Variants in GALNT10 observed in about 807,000 individuals in gnomAD.
GALNT10 encodes the protein polypeptide N-acetylgalactosaminyltransferase 10, also known as GalNAc transferase 10.
A neutral mutation model predicts 75.0 loss-of-function variants in GALNT10; 41 were observed. The ratio of observed to expected loss-of-function variants is 0.55; its 90% CI spans 0.43 to 0.71. The LOEUF is 0.71. Ranked by LOEUF, GALNT10 falls within the 30% of genes least tolerant of loss-of-function variation. The pLI is 0.00. For synonymous variants in GALNT10, 302 were observed against 313.0 expected (o/e 0.96, Z 0.37); for missense variants, 727 against 818.5 (o/e 0.89, Z 1.36).
chr5:154,272,867 G>T (rs1389710137), intron 1 of GALNT10, among the ~76,000 whole-genome samples: 1 of 152,120 alleles, frequency 6.6e-6, no homozygotes, highest in Non-Finnish European at 1.5e-5. Context: ...TACAGACAGG[G>T]TCTCACTCTG....
intron 1 of GALNT10, among the ~76,000 whole-genome samples, chr5:154,219,087 C>T (rs535213168): frequency 5.9e-5 from 9 of 152,320 alleles, no homozygotes; most frequent in African/African-American, 1.9e-4. Flanking sequence ...CCTGCTGCTC[C>T]GGCCTCTGAC....
At chr5:154,369,939 A>T (rs546611564) in intron 4 of GALNT10, among the ~76,000 whole-genome samples, 11 of 152,348 alleles carry the variant, frequency 7.2e-5, no homozygotes, top group African/African-American at 2.4e-4. Context: ...AGCATGGGAC[A>T]GTAGAGCTCT....
intron 1 of GALNT10, among the ~76,000 whole-genome samples, chr5:154,282,013 G>T (rs967525512): frequency 1.3e-5 from 2 of 152,220 alleles, no homozygotes; most frequent in Admixed American, 1.3e-4. Context: ...ACAGATGCCA[G>T]AAACTAGATA....
chr5:154,300,201 T>C (rs1447684381), intron 3 of GALNT10, among the ~76,000 whole-genome samples: 1 of 152,202 alleles, frequency 6.6e-6, no homozygotes, highest in Non-Finnish European at 1.5e-5. Context: ...TGTTACTGGA[T>C]TTGGAACTGT....
intron 1 of GALNT10, among the ~76,000 whole-genome samples, chr5:154,263,593 C>T (rs557795096): frequency 2.0e-5 from 3 of 152,270 alleles, no homozygotes; most frequent in South Asian, 4.1e-4. Flanking sequence ...ATTTATTTCT[C>T]ACATTCCTGG....
intron 1 of GALNT10, among the ~76,000 whole-genome samples, chr5:154,195,972 G>T (rs985108497): frequency 1.3e-5 from 2 of 152,056 alleles, no homozygotes; most frequent in Admixed American, 1.3e-4. Flanking sequence ...GCCCAGGCTG[G>T]AGTGCAATGG....
chr5:154,226,137 A>G (rs1753061283), intron 1 of GALNT10, among the ~76,000 whole-genome samples: 1 of 151,740 alleles, frequency 6.6e-6, no homozygotes, highest in African/African-American at 2.4e-5. Context: ...GTATAATAAA[A>G]AAAGGAAAAA....
intron 4 of GALNT10, among the ~76,000 whole-genome samples, chr5:154,332,240 C>T (rs895825681): frequency 1.3e-4 from 20 of 152,224 alleles, no homozygotes; most frequent in Non-Finnish European, 2.8e-4. Context: ...GGGACAAACA[C>T]CTGAGCCTTC....
chr5:154,369,544 C>T (rs1458743657), intron 4 of GALNT10, among the ~76,000 whole-genome samples: 2 of 152,158 alleles, frequency 1.3e-5, no homozygotes, highest in Non-Finnish European at 2.9e-5. Flanking sequence ...TTGGAAACAC[C>T]GGAGTATCAA....
intron 10 of GALNT10, among the ~76,000 whole-genome samples, chr5:154,413,654 T>C (rs1166084616): frequency 1.3e-5 from 2 of 152,204 alleles, no homozygotes; most frequent in East Asian, 3.8e-4. Context: ...AGTGGGCTCA[T>C]GCCTGCAATC....
Position 154,264,681 on chromosome 5 carries a change from G to A in GALNT10, c.160-30135G>A, listed in dbSNP as rs142177209. On this transcript the variant is annotated intron_variant, in intron 1 of 11. Transcript: ENST00000297107. Reference sequence around the variant, plus strand: ...CATAGTATTTTTACAAGACAATGAGGTGGAATTTTTAGAATACCAAGAGAC... The same window carrying A: ...CATAGTATTTTTACAAGACAATGAGATGGAATTTTTAGAATACCAAGAGAC... Among the ~76,000 whole-genome samples, 436 of 152,296 alleles carry A rather than the reference G, an allele frequency of 2.9e-3. 1 individual carries two copies. Among genetic ancestry groups the A allele is most frequent in the African/African-American group, 9.7e-3 (405 of 41,556 alleles).
At chr5:154,255,398 T>C (rs1753591538) in intron 1 of GALNT10, among the ~76,000 whole-genome samples, 1 of 152,090 alleles carries the variant, frequency 6.6e-6, no homozygotes, top group African/African-American at 2.4e-5. Flanking sequence ...AGTGTCGTGA[T>C]TGATAAACTA....
In GALNT10 at chr5:154,420,555, C is replaced by A. The variant is rs1395157767; in HGVS notation, c.*3583C>A. On this transcript the variant is annotated 3_prime_UTR_variant, in exon 12 of 12. Transcript: ENST00000297107. ...AAGCTTTGTAAGTGTGAGAGAGGGA[C>A]AAGAAGTGCAGTTCTGTTCTGGAAT... 1 of 152,212 alleles carries A rather than the reference C, an allele frequency of 6.6e-6. No homozygotes were observed. The highest frequency in any genetic ancestry group is 1.5e-5 in the Non-Finnish European group (1 of 68,042). The allele number at this position is 152,212 out of a possible 1,614,324, so 9.4% of individuals were successfully genotyped here. A position where few individuals can be genotyped will look rare whatever the true frequency, so the allele number is the denominator to read the frequency against.
chr5:154,330,304 C>T (rs1204557964), intron 4 of GALNT10, among the ~76,000 whole-genome samples: 1 of 152,340 alleles, frequency 6.6e-6, no homozygotes, highest in South Asian at 2.1e-4. Context: ...TCTGGGCACC[C>T]CTATCTGCAA....
rs180852905 is a variant in GALNT10 at position 154,416,154 on chromosome 5, G to A, written c.1653+222G>A. On this transcript the variant is annotated intron_variant, in intron 11 of 11. Coordinates refer to ENST00000297107, the MANE Select transcript of GALNT10 (RefSeq NM_198321.4). The surrounding 1 kb of genome is among the most constrained non-coding windows in gnomAD (Gnocchi z 4.5). ...CAACTGATTCCATTTAAAAAGAAAA[G>A]TGCAGCCGGGCACAGTGGCTCATGC... Among the ~76,000 whole-genome samples the A allele has an allele frequency of 7.9e-4, 120 of 152,254 alleles. No individual in the cohort carries two copies. Among genetic ancestry groups the A allele is most frequent in the African/African-American group, 2.7e-3 (112 of 41,544 alleles).
intron 3 of GALNT10, among the ~76,000 whole-genome samples, chr5:154,303,972 T>C (rs182971267): frequency 1.4e-4 from 21 of 152,220 alleles, no homozygotes; most frequent in East Asian, 9.6e-4. Flanking sequence ...ATACGGAAGA[T>C]ATAAGAAGAT....
At chr5:154,364,679 A>AT (rs887050098) in intron 4 of GALNT10, among the ~76,000 whole-genome samples, 13 of 151,900 alleles carry the variant, frequency 8.6e-5, no homozygotes, top group African/African-American at 3.1e-4. Flanking sequence ...AAGTGGAAGG[A>AT]TTTTTTTTTC....
At chr5:154,389,314 T>C (rs1216838968) in intron 7 of GALNT10, 2 of 151,906 alleles carry the variant, frequency 1.3e-5, no homozygotes, top group Non-Finnish European at 2.9e-5. Context: ...AGTTCTGATA[T>C]AACACTGTCA....
chr5:154,295,773 C>T (rs1439295538), intron 2 of GALNT10, among the ~76,000 whole-genome samples: 1 of 152,182 alleles, frequency 6.6e-6, no homozygotes, highest in Admixed American at 6.5e-5. Flanking sequence ...GGACTCATGC[C>T]TCATGCTTCC....
Sources: allele counts gnomAD v4.1 joint callset (sites outside exome capture counted in the v4.1 genomes callset), GRCh38; gene constraint gnomAD v4.1.1; non-coding constraint Gnocchi (gnomAD v3.1); transcripts MANE v1.5; gene names NCBI Gene and HGNC (gene_info 2026-07-23, HGNC 2026-07-21).